LARGE1: variants seen among roughly 807,000 people sequenced by gnomAD.
LARGE1 encodes xylosyl- and glucuronyltransferase LARGE1.
In LARGE1, 43 loss-of-function variants were observed where a neutral mutation model predicts 87.6. The ratio of observed to expected loss-of-function variants is 0.49; its 90% CI spans 0.38 to 0.63. The LOEUF (loss-of-function observed/expected upper bound fraction) is 0.63, where lower values mean the gene tolerates loss of function less well. Among genes scored for constraint, LARGE1 ranks in the 30% least tolerant of loss-of-function variants. The probability of loss-of-function intolerance (pLI) is 0.00; values close to 1 mark genes in which losing one functional copy is unlikely to be tolerated. For synonymous variants in LARGE1, 434 were observed against 394.6 expected (o/e 1.10, Z -1.18); for missense variants, 802 against 1,000.2 (o/e 0.80, Z 2.67).
the LARGE1 span, among the ~76,000 whole-genome samples, chr22:33,132,224 C>T: frequency 1.3e-5 from 2 of 152,068 alleles, no homozygotes; most frequent in African/African-American, 2.4e-5. Flanking sequence ...CACTCTGTCA[C>T]CCAGGCTGGA....
intron 1 of LARGE1, among the ~76,000 whole-genome samples, chr22:33,852,427 G>A (rs2063614824): frequency 1.3e-5 from 2 of 151,934 alleles, no homozygotes; most frequent in South Asian, 4.2e-4. Context: ...AGGTGGTCTG[G>A]GCACAAGATC....
At chr22:33,663,583 T>G (rs2081189684) in intron 2 of LARGE1, among the ~76,000 whole-genome samples, 1 of 152,128 alleles carries the variant, frequency 6.6e-6, no homozygotes, top group South Asian at 2.1e-4. Flanking sequence ...AAAAGCCCCT[T>G]GCAGGACAGA....
intron 6 of LARGE1, among the ~76,000 whole-genome samples, chr22:33,449,350 A>G (rs1356969300): frequency 1.3e-5 from 2 of 152,232 alleles, no homozygotes; most frequent in Non-Finnish European, 2.9e-5. Context: ...GCAGAAAAGG[A>G]GTATCCCTAG....
chr22:33,354,234 G>A (rs990466688), intron 9 of LARGE1, among the ~76,000 whole-genome samples: 1 of 152,192 alleles, frequency 6.6e-6, no homozygotes, highest in Non-Finnish European at 1.5e-5. Context: ...ATAAATGTTT[G>A]AAATTGTTTC....
At chr22:33,686,184 C>T (rs896853572) in intron 2 of LARGE1, among the ~76,000 whole-genome samples, 29 of 152,036 alleles carry the variant, frequency 1.9e-4, no homozygotes, top group Admixed American at 1.2e-3. Flanking sequence ...AAACAAGTGG[C>T]GACTTGGTGC....
At chr22:33,391,136 C>T (rs927315419) in intron 7 of LARGE1, among the ~76,000 whole-genome samples, 15 of 152,160 alleles carry the variant, frequency 9.9e-5, no homozygotes, top group African/African-American at 2.4e-5. Flanking sequence ...CAGCCTACCA[C>T]AGGTTATTCC....
At chr22:33,172,458 TCTCTCTCTCTCTACTG>T (rs1162078869) in intron 11 of LARGE1, among the ~76,000 whole-genome samples, 2 of 152,128 alleles carry the variant, frequency 1.3e-5, no homozygotes, top group Non-Finnish European at 2.9e-5. Flanking sequence ...TCACTCTCTC[TCTCTCTCTCTCTACTG>T]CTGCCTTGTG....
intron 1 of LARGE1, among the ~76,000 whole-genome samples, chr22:33,858,021 G>C (rs996962657): frequency 2.6e-5 from 4 of 152,092 alleles, no homozygotes; most frequent in Non-Finnish European, 5.9e-5. Flanking sequence ...TGGGGTTCTT[G>C]GCCTCACAGA....
chr22:33,659,456 G>GT lies in LARGE1; in HGVS notation c.107-8789dup, dbSNP rs201194929. ...CCACAGGAGAGCTGAGTCTGCCAAC[G>GT]TGTCATCAGCTTTTCTTTTCTAGGC... On this transcript the variant is annotated intron_variant, in intron 2 of 14. Coordinates refer to ENST00000397394, the MANE Select transcript of LARGE1 (RefSeq NM_133642.5). Among the ~76,000 whole-genome samples the GT allele has an allele frequency of 7.7e-3, 1,168 of 152,232 alleles. 13 individuals carry two copies. The highest frequency in any genetic ancestry group is 0.027 in the South Asian group (130 of 4,822).
chr22:33,710,247 G>A (rs1421150023), intron 2 of LARGE1, among the ~76,000 whole-genome samples: 6 of 151,794 alleles, frequency 4.0e-5, no homozygotes, highest in East Asian at 1.9e-4. Flanking sequence ...AATTGTATTC[G>A]GTGTTAAGCC....
chr22:33,864,766 G>A (rs190148960), intron 1 of LARGE1, among the ~76,000 whole-genome samples: 1 of 152,298 alleles, frequency 6.6e-6, no homozygotes. Flanking sequence ...TTTCCCCAGA[G>A]GCCCGTGGCC....
intron 1 of LARGE1, among the ~76,000 whole-genome samples, chr22:33,788,895 A>G (rs1187712993): frequency 6.6e-6 from 1 of 152,242 alleles, no homozygotes; most frequent in Admixed American, 6.5e-5. Context: ...TGTTTACAAG[A>G]GAAGCAAAGC....
chr22:33,208,329 C>T (rs1026301499), intron 11 of LARGE1, among the ~76,000 whole-genome samples: 10 of 152,170 alleles, frequency 6.6e-5, no homozygotes, highest in Non-Finnish European at 1.3e-4. Context: ...TGTCAGTCCC[C>T]TTCACCTTGC....
intron 1 of LARGE1, among the ~76,000 whole-genome samples, chr22:33,839,934 T>A (rs4821190): frequency 0.16 from 24,152 of 152,046 alleles, 1,922 homozygotes; most frequent in South Asian, 0.28. Flanking sequence ...CAAACCCAGA[T>A]GCATTCAACC....
At chr22:33,781,644 C>G (rs377383004) in intron 1 of LARGE1, among the ~76,000 whole-genome samples, 14 of 152,160 alleles carry the variant, frequency 9.2e-5, no homozygotes, top group Non-Finnish European at 1.9e-4. Flanking sequence ...TCCATATGAG[C>G]AAATGTCAAC....
chr22:33,382,956 T>C (rs2065205453), intron 8 of LARGE1, among the ~76,000 whole-genome samples: 1 of 152,202 alleles, frequency 6.6e-6, no homozygotes, highest in East Asian at 1.9e-4. Flanking sequence ...TACTGAATAA[T>C]AATACTTTAA....
chr22:33,338,270 C>G (rs1273136423), intron 9 of LARGE1, among the ~76,000 whole-genome samples: 1 of 152,138 alleles, frequency 6.6e-6, no homozygotes, highest in Non-Finnish European at 1.5e-5. Flanking sequence ...GTGGGCATCA[C>G]CCTAGTCCCA....
intron 2 of LARGE1, among the ~76,000 whole-genome samples, chr22:33,684,362 C>T (rs996254067): frequency 6.6e-6 from 1 of 152,018 alleles, no homozygotes. Flanking sequence ...GCCTCAGCCT[C>T]GGACTACTCA....
intron 7 of LARGE1, among the ~76,000 whole-genome samples, chr22:33,413,220 A>G (rs2066373317): frequency 1.3e-5 from 2 of 152,176 alleles, no homozygotes; most frequent in Admixed American, 6.5e-5. Context: ...GGCAATGTCT[A>G]TAGTGGAGTT....
Sources: gnomAD v4.1 joint callset for allele counts (sites outside exome capture counted in the v4.1 genomes callset) on GRCh38, gnomAD v4.1.1 for gene constraint, MANE v1.5 for transcripts, NCBI Gene and HGNC (gene_info 2026-07-23, HGNC 2026-07-21) for gene names.